The following NEGR1 variants were observed in gnomAD, a reference collection of about 807,000 sequenced individuals.
The protein encoded by NEGR1 is neuronal growth regulator 1, also known as IgLON family member 4.
In NEGR1, 10 loss-of-function variants were observed where a neutral mutation model predicts 40.9. That is an observed-to-expected ratio of 0.24 (90% CI 0.15 to 0.42). The LOEUF (loss-of-function observed/expected upper bound fraction) is 0.42, where lower values mean the gene tolerates loss of function less well. Ranked by LOEUF, NEGR1 falls within the 10% of genes least tolerant of loss-of-function variation. The pLI, the probability that NEGR1 is intolerant of heterozygous loss-of-function variation, is 1.00. For missense variants in NEGR1, 352 were observed against 438.9 expected (o/e 0.80, Z 1.77); for synonymous variants, 185 against 166.8 (o/e 1.11, Z -0.84).
chr1:72,140,841 CTATT>C (rs1650648920), intron 1 of NEGR1, among the ~76,000 whole-genome samples: 1 of 151,668 alleles, frequency 6.6e-6, no homozygotes, highest in Non-Finnish European at 1.5e-5. Context: ...ACTTTTTCAC[CTATT>C]TACTCATTCA....
intron 6 of NEGR1, among the ~76,000 whole-genome samples, chr1:71,479,229 G>A (rs1167848532): frequency 2.0e-5 from 3 of 151,886 alleles, no homozygotes; most frequent in African/African-American, 4.8e-5. Context: ...CTCATCAGTC[G>A]ACGCAGCACT....
chr1:71,991,273 CT>C (rs2100358633), intron 1 of NEGR1, among the ~76,000 whole-genome samples: 1 of 152,066 alleles, frequency 6.6e-6, no homozygotes, highest in East Asian at 1.9e-4. Flanking sequence ...CCTCTATAAT[CT>C]TCTTAATACT....
intron 3 of NEGR1, among the ~76,000 whole-genome samples, chr1:71,763,369 A>G (rs10789327): frequency 0.42 from 63,304 of 151,918 alleles, 13,308 homozygotes; most frequent in East Asian, 0.64. Context: ...CCTTGTGACT[A>G]GAGAAGATCT....
At position 71,652,663 on chromosome 1, in the gene NEGR1, C is replaced by A. The variant is rs536198854; in HGVS notation, c.668-41517G>T. 3.3e-5 allele frequency among the ~76,000 whole-genome samples: 5 copies of A among 152,104 alleles called. No homozygotes were observed. The East Asian group carries it at 9.7e-4, about 29-fold the overall frequency. On this transcript the variant is annotated intron_variant, in intron 4 of 6. Transcript: ENST00000357731. Reference sequence around the variant, plus strand: ...GGTGGATCGCTTGAGCCCAGGCGTTCGAGACCAGCCTGGACAACATGGTGA... The same window carrying A: ...GGTGGATCGCTTGAGCCCAGGCGTTAGAGACCAGCCTGGACAACATGGTGA...
At chr1:71,410,261 G>A (rs1029833015) in intron 6 of NEGR1, among the ~76,000 whole-genome samples, 10 of 152,126 alleles carry the variant, frequency 6.6e-5, no homozygotes, top group South Asian at 2.1e-4. Flanking sequence ...TGGAGTAATC[G>A]TGAATAATCA....
chr1:71,558,591 A>G (rs998985188), intron 6 of NEGR1, among the ~76,000 whole-genome samples: 4 of 151,480 alleles, frequency 2.6e-5, no homozygotes, highest in African/African-American at 9.7e-5. Context: ...ATAATATAGC[A>G]CCATCAATAT....
intron 1 of NEGR1, among the ~76,000 whole-genome samples, chr1:71,990,598 T>C (rs1435989924): frequency 2.0e-5 from 3 of 152,126 alleles, no homozygotes; most frequent in Non-Finnish European, 4.4e-5. Context: ...GATAATAGTG[T>C]GGTTTCCATC....
At chr1:72,241,563 T>C (rs1031646939) in intron 1 of NEGR1, among the ~76,000 whole-genome samples, 1 of 151,682 alleles carries the variant, frequency 6.6e-6, no homozygotes, top group Non-Finnish European at 1.5e-5. Flanking sequence ...CAAATCCTTT[T>C]ATTCTTACAC....
At chr1:72,002,385 G>A (rs188447748) in intron 1 of NEGR1, among the ~76,000 whole-genome samples, 6 of 151,898 alleles carry the variant, frequency 4.0e-5, no homozygotes, top group African/African-American at 1.4e-4. Flanking sequence ...TTTCATTCTC[G>A]CATTGAATTT....
Position 71,508,701 on chromosome 1 carries a change from T to C in NEGR1, c.940+84116A>G, listed in dbSNP as rs188210419. On this transcript the variant is annotated intron_variant, in intron 6 of 6. Transcript: ENST00000357731. ...ACCCTGCCGCAGCTGAGATAATGTA[T>C]GGTGGACTACCCAATTTCAGGGTTG... Among the ~76,000 whole-genome samples the C allele has an allele frequency of 4.5e-3, 680 of 152,280 alleles. 1 individual carries two copies. The highest frequency in any genetic ancestry group is 7.2e-3 in the Non-Finnish European group (489 of 68,018).
At chr1:72,205,175 A>G (rs577878731) in intron 1 of NEGR1, among the ~76,000 whole-genome samples, 2 of 152,154 alleles carry the variant, frequency 1.3e-5, no homozygotes, top group Admixed American at 6.6e-5. Flanking sequence ...GGAATTTAAA[A>G]GTGGTTTTAT....
chr1:71,637,129 TA>T (rs1221620452), intron 4 of NEGR1, among the ~76,000 whole-genome samples: 5 of 152,098 alleles, frequency 3.3e-5, no homozygotes, highest in African/African-American at 1.2e-4. Context: ...CTATAGTGTA[TA>T]AATCTTAGCA....
chr1:71,662,144 C>A (rs1470416747), intron 4 of NEGR1, among the ~76,000 whole-genome samples: 1 of 152,164 alleles, frequency 6.6e-6, no homozygotes, highest in Non-Finnish European at 1.5e-5. Context: ...CCAAGTTCTG[C>A]CATTAACTAG....
rs943946283 is a variant in NEGR1, at chr1:71,667,226, G to C, written c.667+30782C>G. Among the ~76,000 whole-genome samples, 3 of 152,236 alleles carry C rather than the reference G, an allele frequency of 2.0e-5. No homozygotes were observed. In the East Asian group the frequency reaches 5.8e-4, roughly 29 times the overall value. On this transcript the variant is annotated intron_variant, in intron 4 of 6. Transcript: ENST00000357731. ...TTAGAAACACAAGAGTTTAGTCTTC[G>C]ATGTGACTCTTGTGAATCAGTTGAA...
At chr1:71,603,336 A>C (rs1649983623) in intron 5 of NEGR1, among the ~76,000 whole-genome samples, 1 of 152,210 alleles carries the variant, frequency 6.6e-6, no homozygotes, top group Non-Finnish European at 1.5e-5. Flanking sequence ...TGATAAGATA[A>C]AAGCAAAAGA....
chr1:72,163,606 T>C (rs1470985280), intron 1 of NEGR1, among the ~76,000 whole-genome samples: 1 of 152,070 alleles, frequency 6.6e-6, no homozygotes, highest in Admixed American at 6.6e-5. Context: ...AATTAAATTA[T>C]CTGAAGGTGC....
At chr1:72,274,709 A>C (rs1298528939) in intron 1 of NEGR1, 1 of 1,003,340 alleles carries the variant, frequency 1.0e-6, no homozygotes, top group African/African-American at 1.6e-5. Flanking sequence ...ATCATTGTGC[A>C]GAATGGAAAA....
At chr1:72,168,840 C>A (rs1413141898) in intron 1 of NEGR1, among the ~76,000 whole-genome samples, 1 of 152,112 alleles carries the variant, frequency 6.6e-6, no homozygotes, top group African/African-American at 2.4e-5. Flanking sequence ...GCAGAGGCTG[C>A]AGTGAGCTGA....
intron 1 of NEGR1, among the ~76,000 whole-genome samples, chr1:72,181,730 T>C (rs1570091057): frequency 6.6e-6 from 1 of 152,214 alleles, no homozygotes; most frequent in East Asian, 1.9e-4. Context: ...GATCTTGCCA[T>C]TTGTCACAAG....
Sources: gnomAD v4.1 joint callset for allele counts (sites outside exome capture counted in the v4.1 genomes callset) on GRCh38, gnomAD v4.1.1 for gene constraint, MANE v1.5 for transcripts, NCBI Gene and HGNC (gene_info 2026-07-23, HGNC 2026-07-21) for gene names.